VPS50: variants seen among roughly 807,000 people sequenced by gnomAD.
VPS50 encodes the protein syndetin.
A neutral mutation model predicts 139.7 loss-of-function variants in VPS50; 70 were observed. The ratio of observed to expected loss-of-function variants is 0.50; its 90% CI spans 0.41 to 0.61. VPS50 has a LOEUF of 0.61. Among genes scored for constraint, VPS50 ranks in the 20% least tolerant of loss-of-function variants. VPS50 has a pLI of 0.00. For missense variants in VPS50, 921 were observed against 1,133.7 expected, an observed-to-expected ratio of 0.81 and a Z score of 2.69; for synonymous variants, 365 against 376.7, an observed-to-expected ratio of 0.97 and a Z score of 0.36.
chr7:93,359,172 A>G lies in VPS50; in HGVS notation c.*736A>G, dbSNP rs1036792372. The G allele has an allele frequency of 1.3e-5, 2 of 152,242 alleles. No homozygotes were observed. Among genetic ancestry groups the G allele is most frequent in the East Asian group, 1.9e-4 (1 of 5,184 alleles). 9.4% of individuals were successfully genotyped at this position (152,242 alleles called of 1,614,324 possible). ...ATTGAGGGTACCTTTTCAATGCCTG[A>G]GTAGCATACAGAATCATGATTATGA... On this transcript the variant is annotated 3_prime_UTR_variant, in exon 28 of 28. Coordinates refer to ENST00000305866, the MANE Select transcript of VPS50 (RefSeq NM_017667.4).
At chr7:93,246,153 C>G in intron 2 of VPS50, 1 of 1,380,598 alleles carries the variant, frequency 7.2e-7, no homozygotes, top group Non-Finnish European at 9.9e-7. Context: ...TTCCGTTTTC[C>G]CTATAACAGA....
chr7:93,292,450 A>G (rs1387735689), intron 13 of VPS50, among the ~76,000 whole-genome samples: 2 of 152,136 alleles, frequency 1.3e-5, no homozygotes, highest in South Asian at 2.1e-4. Flanking sequence ...TTGTATAATT[A>G]TATATCTTAA....
intron 2 of VPS50, among the ~76,000 whole-genome samples, chr7:93,250,908 G>A (rs796184970): frequency 2.2e-4 from 33 of 152,206 alleles, no homozygotes; most frequent in African/African-American, 6.7e-4. Context: ...CTCAAAAGAA[G>A]CCAACAAACA....
chr7:93,242,507 T>A (rs562709255), intron 2 of VPS50, among the ~76,000 whole-genome samples: 37 of 151,912 alleles, frequency 2.4e-4, no homozygotes, highest in African/African-American at 8.7e-4. Context: ...CATAGAAAAT[T>A]CTCACAGTAT....
chr7:93,347,232 C>T (rs1449106395), intron 23 of VPS50, among the ~76,000 whole-genome samples: 6 of 144,800 alleles, frequency 4.1e-5, no homozygotes, highest in Non-Finnish European at 6.0e-5. Context: ...AAAATGCTCA[C>T]CATCACTGGC....
chr7:93,259,534 T>G lies in VPS50; in HGVS notation c.577-16T>G. 1 of 1,394,818 alleles carries G rather than the reference T, an allele frequency of 7.2e-7. No individual in the cohort carries two copies. Among genetic ancestry groups the G allele is most frequent in the Non-Finnish European group, 1.0e-6 (1 of 984,494 alleles). The allele number at this position is 1,394,818 out of a possible 1,614,324, so 86.4% of individuals were successfully genotyped here. On this transcript the variant is annotated splice_polypyrimidine_tract_variant and intron_variant, in intron 8 of 27. Coordinates refer to ENST00000305866, the MANE Select transcript of VPS50 (RefSeq NM_017667.4). ...AATGTTTCTATTCCAATGACTCCTG[T>G]TGTTGTTACCTTAAGGAGGAAGATT...
At chr7:93,316,247 A>T (rs1330185234) in intron 20 of VPS50, among the ~76,000 whole-genome samples, 1 of 152,146 alleles carries the variant, frequency 6.6e-6, no homozygotes, top group East Asian at 1.9e-4. Context: ...AGCAGAGGAG[A>T]TGTGACGAGA....
intron 4 of VPS50, 60 bp downstream of exon 4, chr7:93,253,991 G>T (rs1584391501): frequency 1.2e-6 from 1 of 834,178 alleles, no homozygotes; most frequent in East Asian, 2.5e-5. Flanking sequence ...ACAACAGAGA[G>T]GTATAATGTT....
At chr7:93,308,538 C>T (rs181783689) in intron 18 of VPS50, among the ~76,000 whole-genome samples, 3 of 151,808 alleles carry the variant, frequency 2.0e-5, no homozygotes, top group Admixed American at 1.3e-4. Flanking sequence ...AATGTATACT[C>T]TTTAGGCCTA....
At position 93,348,738 on chromosome 7, in the gene VPS50, C is replaced by T. The variant is rs769077325; in HGVS notation, c.2235C>T (p.Phe745=). ...TATTCTTGGCTGAACAGTTTGAGTTCCTTCAGCCACATCTGGATGCTGTGA... is the reference window on the plus strand; with the variant it reads ...TATTCTTGGCTGAACAGTTTGAGTTTCTTCAGCCACATCTGGATGCTGTGA... ...SLVFLAEQFE[F]LQPHLDAVMP... is the part of the protein sequence containing the mutation. Residue 745 remains phenylalanine, a synonymous_variant, in exon 24 of 28, where the codon TTC becomes TTT. Transcript: ENST00000305866. The T allele has an allele frequency of 1.2e-6, 2 of 1,612,836 alleles. No homozygotes were observed. The highest frequency in any genetic ancestry group is 2.7e-5 in the African/African-American group (2 of 74,886).
intron 19 of VPS50, among the ~76,000 whole-genome samples, chr7:93,310,882 GTAT>G (rs893363262): frequency 2.6e-5 from 4 of 151,944 alleles, no homozygotes; most frequent in Non-Finnish European, 5.9e-5. Context: ...GCACCTAGAT[GTAT>G]TATTATCCTG....
chr7:93,244,519 G>A (rs1013146234), intron 2 of VPS50, among the ~76,000 whole-genome samples: 3 of 151,848 alleles, frequency 2.0e-5, no homozygotes, highest in Non-Finnish European at 4.4e-5. Context: ...GTGAAAAGAT[G>A]CTATTGAACT....
At chr7:93,326,458 A>AT (rs1797780420) in intron 21 of VPS50, among the ~76,000 whole-genome samples, 1 of 147,680 alleles carries the variant, frequency 6.8e-6, no homozygotes, top group African/African-American at 2.5e-5. Flanking sequence ...AATAATAAAA[A>AT]AAAAATAAAA....
At chr7:93,235,143 G>C (rs1207105261) in intron 1 of VPS50, among the ~76,000 whole-genome samples, 1 of 152,128 alleles carries the variant, frequency 6.6e-6, no homozygotes, top group African/African-American at 2.4e-5. Context: ...TAGATATTTG[G>C]GAAGGAGCAT....
rs184025475 is a variant in VPS50 at position 93,243,480 on chromosome 7, G to A, written c.102+3546G>A. On this transcript the variant is annotated intron_variant, in intron 2 of 27. Coordinates refer to ENST00000305866, the MANE Select transcript of VPS50 (RefSeq NM_017667.4). ...CAAGAATGGAGCAACAGGAAATAGA[G>A]GAACTGTTCTAAAAAATTGTTTGGA... Among the ~76,000 whole-genome samples the A allele has an allele frequency of 1.2e-4, 19 of 152,002 alleles. No individual in the cohort carries two copies. The East Asian group carries it at 1.9e-3, about 15-fold the overall frequency.
chr7:93,289,475 TG>T (rs1796587474), intron 12 of VPS50, among the ~76,000 whole-genome samples: 1 of 152,118 alleles, frequency 6.6e-6, no homozygotes, highest in East Asian at 1.9e-4. Flanking sequence ...ATTTGTCTTT[TG>T]ACCTCACATA....
chr7:93,327,179 A>G (rs1184505558), intron 21 of VPS50, among the ~76,000 whole-genome samples: 2 of 152,324 alleles, frequency 1.3e-5, no homozygotes, highest in Admixed American at 1.3e-4. Flanking sequence ...TATATTAGCA[A>G]TGTCTGGTAT....
At chr7:93,322,456 C>T (rs1442772054) in intron 20 of VPS50, among the ~76,000 whole-genome samples, 2 of 151,342 alleles carry the variant, frequency 1.3e-5, no homozygotes, top group East Asian at 1.9e-4. Context: ...AAAAATTAGC[C>T]GGGCGTGGTA....
chr7:93,355,110 ACT>A (rs1798666019), intron 26 of VPS50, among the ~76,000 whole-genome samples: 1 of 131,874 alleles, frequency 7.6e-6, no homozygotes, highest in Admixed American at 8.9e-5. Flanking sequence ...TGTATAAAAT[ACT>A]CTTTTTTAAA....
Sources: gnomAD v4.1 joint callset for allele counts (sites outside exome capture counted in the v4.1 genomes callset) on GRCh38, gnomAD v4.1.1 for gene constraint, MANE v1.5 for transcripts, NCBI Gene and HGNC (gene_info 2026-07-23, HGNC 2026-07-21) for gene names.